ZNF831: variants seen among roughly 807,000 people sequenced by gnomAD.
The protein encoded by ZNF831 is chromosome 20 open reading frame 174.
A neutral mutation model predicts 95.8 loss-of-function variants in ZNF831; 59 were observed. The ratio of observed to expected loss-of-function variants is 0.62; its 90% CI spans 0.50 to 0.77. ZNF831 has a LOEUF of 0.77. ZNF831 is among the 30% of genes least tolerant of loss of function. The probability of loss-of-function intolerance (pLI) is 0.00; values close to 1 mark genes in which losing one functional copy is unlikely to be tolerated. For missense variants in ZNF831, 2,205 were observed against 2,164.0 expected (o/e 1.02, Z -0.38); for synonymous variants, 961 against 925.5 (o/e 1.04, Z -0.70).
chr20:59,211,049 G>GAAAAAAAAAAAAA (rs529852271), intron 4 of ZNF831, among the ~76,000 whole-genome samples: 1 of 60,668 alleles, frequency 1.6e-5, no homozygotes, highest in Admixed American at 1.8e-4. Context: ...CAAAAAAAAA[G>GAAAAAAAAAAAAA]AAAAAAAAAA....
At chr20:59,224,498 C>T (rs1026946620) in intron 4 of ZNF831, among the ~76,000 whole-genome samples, 1 of 152,216 alleles carries the variant, frequency 6.6e-6, no homozygotes, top group African/African-American at 2.4e-5. Context: ...TGCCCCATTG[C>T]CTTGACGAAT....
chr20:59,203,124 A>C (rs978521541), intron 3 of ZNF831, among the ~76,000 whole-genome samples: 1 of 152,140 alleles, frequency 6.6e-6, no homozygotes, highest in African/African-American at 2.4e-5. Flanking sequence ...ATATCTAAGA[A>C]ATCTTTCTTT....
intron 3 of ZNF831, among the ~76,000 whole-genome samples, chr20:59,196,403 C>G (rs1041285569): frequency 6.6e-6 from 1 of 152,124 alleles, no homozygotes; most frequent in Non-Finnish European, 1.5e-5. Context: ...AATCTCGCCA[C>G]GCAGAGATAA....
chr20:59,187,635 T>C (rs1983164096), intron 1 of ZNF831, among the ~76,000 whole-genome samples: 2 of 152,242 alleles, frequency 1.3e-5, no homozygotes, highest in African/African-American at 4.8e-5. Flanking sequence ...CTGTTTACAA[T>C]TGAGGTAAAA....
intron 3 of ZNF831, among the ~76,000 whole-genome samples, chr20:59,204,975 T>C (rs1175593006): frequency 6.6e-6 from 1 of 152,214 alleles, no homozygotes. Context: ...ACTTGGGCTG[T>C]TCTCGAAGGC....
intron 1 of ZNF831, among the ~76,000 whole-genome samples, chr20:59,165,014 C>T (rs1166725723): frequency 6.6e-6 from 1 of 152,156 alleles, no homozygotes; most frequent in Admixed American, 6.5e-5. Context: ...TAACCACCCT[C>T]GCTTTATTGC....
At chr20:59,182,357 C>A (rs1982687200) in intron 1 of ZNF831, among the ~76,000 whole-genome samples, 1 of 152,202 alleles carries the variant, frequency 6.6e-6, no homozygotes. Context: ...ATGCTGTGAT[C>A]AGTGCTTATA....
At chr20:59,179,089 C>T (rs1382699721) in intron 1 of ZNF831, among the ~76,000 whole-genome samples, 1 of 152,222 alleles carries the variant, frequency 6.6e-6, no homozygotes, top group Non-Finnish European at 1.5e-5. Flanking sequence ...CCCACCCTGG[C>T]ACACTGTGAG....
At chr20:59,197,685 A>G (rs147901465) in intron 3 of ZNF831, among the ~76,000 whole-genome samples, 38 of 152,250 alleles carry the variant, frequency 2.5e-4, no homozygotes, top group African/African-American at 9.1e-4. Flanking sequence ...GCCTGACTCA[A>G]GGTAGTCTGA....
At chr20:59,138,038 C>A (rs1203961546) in intron 1 of ZNF831, among the ~76,000 whole-genome samples, 2 of 152,150 alleles carry the variant, frequency 1.3e-5, no homozygotes, top group Non-Finnish European at 2.9e-5. Flanking sequence ...TATTTAATTG[C>A]AGGATTAATG....
In ZNF831 at chr20:59,194,696, G is replaced by A. The variant is rs780466052; in HGVS notation, c.3677G>A (p.Gly1226Glu). The A allele has an allele frequency of 6.2e-7, 1 of 1,608,090 alleles. No homozygotes were observed. Among genetic ancestry groups the A allele is most frequent in the Non-Finnish European group, 8.5e-7 (1 of 1,177,044 alleles). The change falls in exon 2 of 6, where the codon GGG becomes GAG. Residue 1226 changes from glycine (G) to glutamate (E), a missense_variant. Physicochemically the swap from Gly to Glu is moderately conservative, Grantham distance 98. Transcript: ENST00000371030. ...GATGAGGGTCCCAATGGCCCTCCTGGGAGCAATGGAGGATGGACCTGGACA... is the reference window on the plus strand; with the variant it reads ...GATGAGGGTCCCAATGGCCCTCCTGAGAGCAATGGAGGATGGACCTGGACA... ...LRDEGPNGPP[G>E]SNGGWTWTSP...
chr20:59,154,776 C>T (rs995354133), intron 2 of ZNF831, among the ~76,000 whole-genome samples: 3 of 152,180 alleles, frequency 2.0e-5, no homozygotes, highest in South Asian at 2.1e-4. Flanking sequence ...TGGCACTCAC[C>T]GCACCGTCTT....
At chr20:59,155,862 C>T (rs983533882) in intron 2 of ZNF831, among the ~76,000 whole-genome samples, 4 of 152,162 alleles carry the variant, frequency 2.6e-5, no homozygotes, top group Non-Finnish European at 5.9e-5. Flanking sequence ...GGCCTTGAGA[C>T]ACGTGCCAGA....
At chr20:59,143,587 G>A (rs1033705050) in intron 1 of ZNF831, among the ~76,000 whole-genome samples, 8 of 152,292 alleles carry the variant, frequency 5.3e-5, no homozygotes, top group African/African-American at 1.9e-4. Context: ...CTTCTCTGCC[G>A]TGGAAGAAAA....
chr20:59,130,537 C>A (rs1472779054), intron 1 of ZNF831, among the ~76,000 whole-genome samples: 2 of 152,150 alleles, frequency 1.3e-5, no homozygotes, highest in African/African-American at 4.8e-5. Context: ...TCCTAATGAG[C>A]AAGACAGGCT....
chr20:59,227,331 T>G (rs894118181), intron 4 of ZNF831, among the ~76,000 whole-genome samples: 3 of 152,220 alleles, frequency 2.0e-5, no homozygotes. Context: ...AGATAAATTT[T>G]GGAGGAAAAA....
chr20:59,127,970 A>G (rs1979228870), intron 1 of ZNF831, among the ~76,000 whole-genome samples: 2 of 152,238 alleles, frequency 1.3e-5, no homozygotes, highest in African/African-American at 4.8e-5. Flanking sequence ...CGCTGTAGCC[A>G]GCCTGGCACT....
chr20:59,149,724 T>C (rs1409740103), intron 2 of ZNF831, among the ~76,000 whole-genome samples: 4 of 152,342 alleles, frequency 2.6e-5, no homozygotes, highest in South Asian at 2.1e-4. Flanking sequence ...GCCTGAGCCT[T>C]GTCCCTGTGA....
At chr20:59,251,854 C>T (rs1054718077) in intron 4 of ZNF831, among the ~76,000 whole-genome samples, 4 of 152,172 alleles carry the variant, frequency 2.6e-5, no homozygotes, top group Admixed American at 6.5e-5. Context: ...AGAAAGGCAA[C>T]GTAATCGTAG....
Sources: gnomAD v4.1 joint callset for allele counts (sites outside exome capture counted in the v4.1 genomes callset) on GRCh38, gnomAD v4.1.1 for gene constraint, MANE v1.5 for transcripts, NCBI Gene and HGNC (gene_info 2026-07-23, HGNC 2026-07-21) for gene names.